Variants in SUPT6H observed in about 807,000 individuals in gnomAD.
SUPT6H encodes the protein transcription elongation factor SPT6.
In SUPT6H, 11 loss-of-function variants were observed where a neutral mutation model predicts 222.3. The observed-to-expected ratio is 0.05, with a 90% CI of 0.03 to 0.08. The LOEUF is 0.08. Ranked by LOEUF, SUPT6H falls within the 10% of genes least tolerant of loss-of-function variation. The pLI, the probability that SUPT6H is intolerant of heterozygous loss-of-function variation, is 1.00. For synonymous variants in SUPT6H, 762 were observed against 801.2 expected (o/e 0.95, Z 0.83); for missense variants, 1,422 against 2,216.0 (o/e 0.64, Z 7.19).
At chr17:28,669,809 G>T (rs536804492) in intron 1 of SUPT6H, among the ~76,000 whole-genome samples, 1 of 152,316 alleles carries the variant, frequency 6.6e-6, no homozygotes, top group East Asian at 1.9e-4. Flanking sequence ...GGTGGCGAGC[G>T]CCTGTAGTCC....
chr17:28,685,834 C>T (rs1208863571), intron 19 of SUPT6H, among the ~76,000 whole-genome samples: 1 of 152,170 alleles, frequency 6.6e-6, no homozygotes, highest in African/African-American at 2.4e-5. Context: ...TAACTACTCA[C>T]ATTTTAGCAA....
Position 28,676,352 on chromosome 17 carries a change from G to A in SUPT6H, c.819G>A (p.Glu273=), listed in dbSNP as rs1281555845. Reference sequence around the variant, plus strand: ...GTAGGAGCATCTTTGAAATGTATGAGCCCAGTGAGCTAGAAAGCAGCCACC... The same window carrying A: ...GTAGGAGCATCTTTGAAATGTATGAACCCAGTGAGCTAGAAAGCAGCCACC... ...VSRRSIFEMY[E]PSELESSHLT... The change falls in exon 7 of 37, where the codon GAG becomes GAA. Residue 273 remains glutamate, a synonymous_variant. Coordinates refer to ENST00000314616, the MANE Select transcript of SUPT6H (RefSeq NM_003170.5). 2.5e-6 allele frequency: 4 copies of A among 1,613,278 alleles called. No homozygotes were observed. The Admixed American group carries it at 5.0e-5, about 20-fold the overall frequency.
chr17:28,696,060 A>G (rs1405692439), intron 29 of SUPT6H, among the ~76,000 whole-genome samples: 2 of 151,882 alleles, frequency 1.3e-5, no homozygotes, highest in African/African-American at 2.4e-5. Context: ...TAATCCCAGC[A>G]CTTCGGAGGC....
chr17:28,700,628 G>A, intron 35 of SUPT6H, 116 bp downstream of exon 35: 3 of 1,339,802 alleles, frequency 2.2e-6, no homozygotes, highest in Non-Finnish European at 3.0e-6. Flanking sequence ...CTTGGTAACT[G>A]TCTCCAACAG....
chr17:28,672,157 A>G (rs2030458164), intron 1 of SUPT6H, among the ~76,000 whole-genome samples: 1 of 152,230 alleles, frequency 6.6e-6, no homozygotes, highest in Non-Finnish European at 1.5e-5. Context: ...TGACTTTGCT[A>G]ATAAGTATGA....
chr17:28,700,014 C>A, intron 33 of SUPT6H, 121 bp downstream of exon 33: 1 of 1,364,496 alleles, frequency 7.3e-7, no homozygotes, highest in South Asian at 1.2e-5. Flanking sequence ...CTGTCTTACT[C>A]CTCCTGCAGC....
chr17:28,680,574 G>A (rs2031045392), intron 11 of SUPT6H, among the ~76,000 whole-genome samples: 1 of 152,174 alleles, frequency 6.6e-6, no homozygotes, highest in Non-Finnish European at 1.5e-5. Context: ...CAGCCTGGGT[G>A]ACAAGAGCAA....
At chr17:28,697,537 C>G in intron 30 of SUPT6H, 83 bp from the exon 31 acceptor site, 2 of 1,134,712 alleles carry the variant, frequency 1.8e-6, no homozygotes, top group Non-Finnish European at 2.6e-6. Flanking sequence ...CCCATCCCCT[C>G]CCATGGTTTT....
intron 13 of SUPT6H, chr17:28,682,192 A>G (rs1345152705): frequency 2.1e-6 from 1 of 482,470 alleles, no homozygotes; most frequent in Non-Finnish European, 3.7e-6. Flanking sequence ...ATTTCCTGAG[A>G]TAATGGGAAA....
chr17:28,679,873 C>G (rs962780621), intron 11 of SUPT6H, among the ~76,000 whole-genome samples: 1 of 149,516 alleles, frequency 6.7e-6, no homozygotes, highest in African/African-American at 2.5e-5. Flanking sequence ...GCCTGTAATT[C>G]CAGCTACTCG....
intron 23 of SUPT6H, 56 bp downstream of exon 23, chr17:28,687,527 T>C (rs1260054810): frequency 1.1e-5 from 17 of 1,560,906 alleles, no homozygotes; most frequent in Non-Finnish European, 1.5e-5. Flanking sequence ...TGAATATGAA[T>C]ATATACTTTG....
chr17:28,674,909 G>T (rs1476298027), intron 4 of SUPT6H, 61 bp from the exon 5 acceptor site: 108 of 1,559,456 alleles, frequency 6.9e-5, no homozygotes, highest in Non-Finnish European at 9.2e-5. Flanking sequence ...TGAGACTGGA[G>T]ATTTGGTATC....
At chr17:28,690,883 C>G (rs770027583) in intron 26 of SUPT6H, 38 bp from the exon 27 acceptor site, 12 of 1,603,878 alleles carry the variant, frequency 7.5e-6, no homozygotes, top group African/African-American at 1.3e-5. Context: ...TCTCCACATT[C>G]TCTGAGCCTG....
Position 28,684,662 on chromosome 17 carries a change from A to T in SUPT6H, c.2306A>T (p.Asp769Val). ...GATCAGCAGGTGGAAGAAGATGACG[A>T]CTTTATGGACGAGAACCAAGGGAAG... ...RPDQQVEEDD[D>V]FMDENQGKGI... Residue 769 changes from aspartate to valine, a missense_variant, in exon 18 of 37, where the codon GAC (aspartate) becomes GTC (valine). This residue lies in a region of SUPT6H where 294 missense variants were observed against 382.1 expected (regional missense o/e 0.77). Transcript: ENST00000314616. 1 of 1,614,182 alleles carries T rather than the reference A, an allele frequency of 6.2e-7. No individual in the cohort carries two copies. The highest frequency in any genetic ancestry group is 8.5e-7 in the Non-Finnish European group (1 of 1,180,036).
rs1196819471 is a variant in SUPT6H, at chr17:28,684,667, A to G, written c.2311A>G (p.Met771Val). The change falls in exon 18 of 37, where the codon ATG (methionine) becomes GTG (valine). Residue 771 changes from methionine (M) to valine (V), a missense_variant. This residue lies in a region of SUPT6H where 294 missense variants were observed against 382.1 expected (regional missense o/e 0.77). Transcript: ENST00000314616. The part of the protein sequence containing the change: ...DQQVEEDDDF[M>V]DENQGKGIRV... ...GCAGGTGGAAGAAGATGACGACTTT[A>G]TGGACGAGAACCAAGGGAAGGGCAT... The G allele has an allele frequency of 4.3e-6, 7 of 1,614,050 alleles. No homozygotes were observed. In the African/African-American group the frequency reaches 9.3e-5, roughly 22 times the overall value.
intron 27 of SUPT6H, among the ~76,000 whole-genome samples, chr17:28,692,451 G>C (rs1229287098): frequency 6.8e-6 from 1 of 147,450 alleles, no homozygotes; most frequent in East Asian, 2.0e-4. Context: ...TGACCAACAT[G>C]ATGAAACCCC....
At chr17:28,682,582 C>A (rs965389601) in intron 13 of SUPT6H, 145 bp from the exon 14 acceptor site, 1 of 1,184,052 alleles carries the variant, frequency 8.4e-7, no homozygotes, top group Non-Finnish European at 1.2e-6. Flanking sequence ...GATCACACCA[C>A]TGCACTTTAG....
intron 9 of SUPT6H, 92 bp from the exon 10 acceptor site, chr17:28,678,453 A>T (rs1416737865): frequency 4.7e-6 from 6 of 1,278,272 alleles, no homozygotes; most frequent in Middle Eastern, 1.9e-4. Flanking sequence ...AATTTCCTGG[A>T]GCTGTTTCTC....
Position 28,686,685 on chromosome 17 carries a change from C to A in SUPT6H, c.2596C>A (p.Arg866Ser). ...CCAGATGTTGATTGAAGATGTGAAG[C>A]GCATTGTACATGAGCTGGACCAGGG... Reference protein sequence around the residue: ...DAQMLIEDVKRIVHELDQGQQ... With the variant: ...DAQMLIEDVKSIVHELDQGQQ... Residue 866 changes from arginine to serine, a missense_variant, in exon 21 of 37, where the codon CGC (arginine) becomes AGC (serine). This residue lies in a region of SUPT6H where 294 missense variants were observed against 382.1 expected (regional missense o/e 0.77). Transcript: ENST00000314616. The A allele has an allele frequency of 6.2e-7, 1 of 1,604,480 alleles. No individual in the cohort carries two copies. The highest frequency in any genetic ancestry group is 8.5e-7 in the Non-Finnish European group (1 of 1,176,842).
Sources: allele counts gnomAD v4.1 joint callset (sites outside exome capture counted in the v4.1 genomes callset), GRCh38; gene constraint gnomAD v4.1.1; regional missense constraint gnomAD v4.1.1; transcripts MANE v1.5; gene names NCBI Gene and HGNC (gene_info 2026-07-23, HGNC 2026-07-21).